The following DHRSX variants were observed in gnomAD, a reference collection of about 807,000 sequenced individuals.
The protein encoded by DHRSX is polyprenol dehydrogenase.
In DHRSX, 31 loss-of-function variants were observed where a neutral mutation model predicts 34.0. The observed-to-expected ratio is 0.91, with a 90% CI of 0.69 to 1.23. The LOEUF (loss-of-function observed/expected upper bound fraction) is 1.23. Ranked by LOEUF, DHRSX falls within the 50% of genes most tolerant of loss-of-function variation. DHRSX has a pLI of 0.00. For missense variants in DHRSX, 414 were observed against 428.1 expected, an observed-to-expected ratio of 0.97 and a Z score of 0.29; for synonymous variants, 201 against 183.8, an observed-to-expected ratio of 1.09 and a Z score of -0.76.
At chrX:2,224,967 C>CAT (rs1034151006) in intron 6 of DHRSX, among the ~76,000 whole-genome samples, 4 of 149,590 alleles carry the variant, frequency 2.7e-5, no homozygotes, top group African/African-American at 7.4e-5. Flanking sequence ...CACATGCTCA[C>CAT]ATTCACATGC....
intron 3 of DHRSX, among the ~76,000 whole-genome samples, chrX:2,349,497 C>T (rs1406885399): frequency 1.3e-5 from 2 of 151,678 alleles, no homozygotes; most frequent in East Asian, 3.9e-4. Context: ...ACCAGCCCAG[C>T]CAACATGGTG....
At chrX:2,492,868 G>A (rs1413406295) in intron 1 of DHRSX, among the ~76,000 whole-genome samples, 1 of 152,212 alleles carries the variant, frequency 6.6e-6, no homozygotes, top group African/African-American at 2.4e-5. Context: ...TCCGGTTTCT[G>A]GTACTTTATT....
intron 1 of DHRSX, chrX:2,490,672 C>A: frequency 6.2e-7 from 1 of 1,613,942 alleles, no homozygotes; most frequent in African/African-American, 1.3e-5. Context: ...GGGGGTGGGC[C>A]ACCAGCTTCA....
intron 3 of DHRSX, among the ~76,000 whole-genome samples, chrX:2,374,145 G>A (rs2043113199): frequency 6.6e-6 from 1 of 152,152 alleles, no homozygotes; most frequent in Non-Finnish European, 1.5e-5. Flanking sequence ...ATGTTGCCCA[G>A]TCTGATCTCA....
At chrX:2,418,355 A>C (rs2043722591) in intron 2 of DHRSX, among the ~76,000 whole-genome samples, 1 of 152,074 alleles carries the variant, frequency 6.6e-6, no homozygotes. Context: ...ACCAAACTGT[A>C]CCTCAGCATG....
intron 1 of DHRSX, among the ~76,000 whole-genome samples, chrX:2,494,957 T>C (rs1169481682): frequency 6.6e-6 from 1 of 151,866 alleles, no homozygotes; most frequent in Non-Finnish European, 1.5e-5. Context: ...AGGTTTATAT[T>C]CTATCATTAT....
At chrX:2,318,401 G>T (rs182110570) in intron 3 of DHRSX, among the ~76,000 whole-genome samples, 53 of 152,050 alleles carry the variant, frequency 3.5e-4, no homozygotes, top group African/African-American at 1.2e-3. Flanking sequence ...ATGACCACTG[G>T]CATGAGAGGA....
intron 3 of DHRSX, among the ~76,000 whole-genome samples, chrX:2,399,326 G>T (rs767169123): frequency 6.6e-6 from 1 of 151,662 alleles, no homozygotes; most frequent in South Asian, 2.1e-4. Flanking sequence ...AGCCTGACTC[G>T]GGACACTTCT....
At chrX:2,241,911 A>G (rs1308720967) in intron 6 of DHRSX, among the ~76,000 whole-genome samples, 1 of 152,134 alleles carries the variant, frequency 6.6e-6, no homozygotes, top group East Asian at 1.9e-4. Flanking sequence ...CTCCGTCTCA[A>G]AAAAAACAAG....
chrX:2,267,022 A>T, intron 4 of DHRSX, 75 bp from the exon 5 acceptor site: 1 of 1,478,160 alleles, frequency 6.8e-7, no homozygotes, highest in Non-Finnish European at 9.5e-7. Context: ...GATTCCCCAG[A>T]TGCGCAAATG....
chrX:2,450,971 G>T (rs1343560617), intron 1 of DHRSX, among the ~76,000 whole-genome samples: 1 of 151,996 alleles, frequency 6.6e-6, no homozygotes, highest in Non-Finnish European at 1.5e-5. Context: ...TCCACGCAGA[G>T]AAAATGCATC....
chrX:2,406,627 C>T (rs2043558845), intron 3 of DHRSX, among the ~76,000 whole-genome samples: 1 of 151,702 alleles, frequency 6.6e-6, no homozygotes. Flanking sequence ...TTTTAGTAGA[C>T]TCGAGGTTTC....
intron 5 of DHRSX, among the ~76,000 whole-genome samples, chrX:2,249,016 C>G (rs1203798019): frequency 6.6e-6 from 1 of 152,004 alleles, no homozygotes; most frequent in Non-Finnish European, 1.5e-5. Flanking sequence ...TTTCAGCTTG[C>G]AAAATCAGAG....
intron 6 of DHRSX, among the ~76,000 whole-genome samples, chrX:2,228,619 C>T (rs2015791923): frequency 6.6e-6 from 1 of 151,720 alleles, no homozygotes; most frequent in Non-Finnish European, 1.5e-5. Context: ...TCTGGTTCTG[C>T]CCCTATTTGA....
At chrX:2,262,779 G>A (rs2041381632) in intron 5 of DHRSX, among the ~76,000 whole-genome samples, 1 of 152,188 alleles carries the variant, frequency 6.6e-6, no homozygotes, top group African/African-American at 2.4e-5. Context: ...ACAACCGGCA[G>A]GGTTCACACT....
chrX:2,381,109 G>A (rs968418880), intron 3 of DHRSX, among the ~76,000 whole-genome samples: 46 of 152,056 alleles, frequency 3.0e-4, no homozygotes, highest in African/African-American at 1.0e-3. Flanking sequence ...CAGGTGATCC[G>A]CCTGCCTCAG....
At chrX:2,243,798 T>TTTTTTGTTTTG (rs2016208232) in intron 5 of DHRSX, among the ~76,000 whole-genome samples, 2 of 93,822 alleles carry the variant, frequency 2.1e-5, no homozygotes, top group African/African-American at 9.2e-5. Flanking sequence ...GTTTTTTTTT[T>TTTTTTGTTTTG]TTTTTTTTTT....
Position 2,470,452 on chromosome X carries a change from A to C in DHRSX, c.109+30365T>G, listed in dbSNP as rs775274206. The stretch of plus-strand genomic sequence containing the variant: ...ACTGGATATGGTGGCATGCACCTGT[A>C]GTCCCAGCTACTTGGGAGGCTGAGG... On this transcript the variant is annotated intron_variant, in intron 1 of 6. Coordinates refer to ENST00000334651, the MANE Select transcript of DHRSX (RefSeq NM_145177.3). Among the ~76,000 whole-genome samples the C allele has an allele frequency of 7.9e-5, 12 of 152,104 alleles. No homozygotes were observed. In the East Asian group the frequency reaches 2.1e-3, roughly 27 times the overall value.
At chrX:2,384,102 A>T (rs776399338) in intron 3 of DHRSX, among the ~76,000 whole-genome samples, 1 of 152,146 alleles carries the variant, frequency 6.6e-6, no homozygotes, top group East Asian at 1.9e-4. Flanking sequence ...TGCTGTAGGG[A>T]GTGATACCGA....
Sources: allele counts gnomAD v4.1 joint callset (sites outside exome capture counted in the v4.1 genomes callset), GRCh38; gene constraint gnomAD v4.1.1; transcripts MANE v1.5; gene names NCBI Gene and HGNC (gene_info 2026-07-23, HGNC 2026-07-21).